CDC42BPG: variants seen among roughly 807,000 people sequenced by gnomAD.
The protein encoded by CDC42BPG is serine/threonine-protein kinase MRCK gamma.
Under a neutral mutation model 192.2 loss-of-function variants are expected in CDC42BPG, and 157 were observed. That is an observed-to-expected ratio of 0.82 (90% CI 0.72 to 0.93). The LOEUF is 0.93. Ranked by LOEUF, CDC42BPG falls within the 40% of genes least tolerant of loss-of-function variation. CDC42BPG has a pLI of 0.00. For missense variants in CDC42BPG, 1,992 were observed against 2,122.1 expected (o/e 0.94, Z 1.20); for synonymous variants, 981 against 918.5 (o/e 1.07, Z -1.23).
In CDC42BPG at chr11:64,840,132, C is replaced by T. The variant is rs1592722279; in HGVS notation, c.569G>A (p.Gly190Asp). Residue 190 changes from glycine to aspartate, a missense_variant, in exon 5 of 37, where the codon GGT (glycine) becomes GAT (aspartate). Coordinates refer to ENST00000342711, the MANE Select transcript of CDC42BPG (RefSeq NM_017525.3). Reference protein sequence around the residue: ...VLAIHSLHQLGYVHRDVKPDN... With the variant: ...VLAIHSLHQLDYVHRDVKPDN... ...GTTGGGGCCCCACCTGTGGACATAACCCAGCTGGTGCAGCGAGTGGATGGC... is the reference window on the plus strand; with the variant it reads ...GTTGGGGCCCCACCTGTGGACATAATCCAGCTGGTGCAGCGAGTGGATGGC... The T allele has an allele frequency of 6.2e-7, 1 of 1,612,372 alleles. No individual in the cohort carries two copies.
intron 20 of CDC42BPG, 79 bp downstream of exon 20, chr11:64,834,187 G>A: frequency 6.9e-7 from 1 of 1,448,440 alleles, no homozygotes; most frequent in Non-Finnish European, 9.3e-7. Context: ...CACCCTGCCA[G>A]GCCATCGTGG....
intron 36 of CDC42BPG, among the ~76,000 whole-genome samples, chr11:64,825,556 G>A (rs965568500): frequency 6.6e-6 from 1 of 152,168 alleles, no homozygotes; most frequent in Non-Finnish European, 1.5e-5. Context: ...GGACTGCAGG[G>A]GCAAGAGCCT....
At chr11:64,839,915 C>T (rs1470675131) in intron 5 of CDC42BPG, among the ~76,000 whole-genome samples, 1 of 152,198 alleles carries the variant, frequency 6.6e-6, no homozygotes, top group African/African-American at 2.4e-5. Flanking sequence ...TAAGCTCTGA[C>T]CCCCTCAGCT....
rs1009901115 is a variant in CDC42BPG, at chr11:64,835,246, C to T, written c.1954-93G>A. 8 of 1,606,370 alleles carry T rather than the reference C, an allele frequency of 5.0e-6. No individual in the cohort carries two copies. In the Admixed American group the frequency reaches 6.7e-5, roughly 13 times the overall value. Reference sequence around the variant, plus strand: ...GTACCCCAGCACCCCGAGCCCCGTCCATGTCCACCCTGCTCACTGGCTGCA... The same window carrying T: ...GTACCCCAGCACCCCGAGCCCCGTCTATGTCCACCCTGCTCACTGGCTGCA... On this transcript the variant is annotated intron_variant, in intron 16 of 36. Transcript: ENST00000342711.
At chr11:64,833,504 G>T in intron 23 of CDC42BPG, 96 bp downstream of exon 23, 1 of 1,240,284 alleles carries the variant, frequency 8.1e-7, no homozygotes, top group Non-Finnish European at 1.1e-6. Context: ...AATTGTGCCT[G>T]CTAGCCACGA....
At chr11:64,836,848 G>A (rs1943039124) in intron 10 of CDC42BPG, 29 bp from the exon 11 acceptor site, 1 of 1,610,206 alleles carries the variant, frequency 6.2e-7, no homozygotes, top group East Asian at 2.2e-5. Context: ...CCACAGGTGA[G>A]TCCACTCCTC....
In CDC42BPG at chr11:64,826,672, G is replaced by A. The variant is rs772687112; in HGVS notation, c.4512C>T (p.Pro1504=). 5.7e-6 allele frequency: 9 copies of A among 1,572,290 alleles called. No individual in the cohort carries two copies. In the African/African-American group the frequency reaches 6.7e-5, roughly 12 times the overall value. ...GSEGLGGDAD[P]MKRKPWTSLS... ...TGGAGGCTGAGGGGCTGCCCTTACTGGGGTCTGCGTCTCCACCGAGGCCTT... is the reference window on the plus strand; with the variant it reads ...TGGAGGCTGAGGGGCTGCCCTTACTAGGGTCTGCGTCTCCACCGAGGCCTT... Residue 1504 remains proline (P), a splice_region_variant and synonymous_variant, in exon 35 of 37, where the codon CCC becomes CCT. Coordinates refer to ENST00000342711, the MANE Select transcript of CDC42BPG (RefSeq NM_017525.3).
chr11:64,837,754 G>C (rs563873178), intron 9 of CDC42BPG, among the ~76,000 whole-genome samples: 2 of 152,178 alleles, frequency 1.3e-5, no homozygotes, highest in African/African-American at 4.8e-5. Flanking sequence ...AAGCCACCAC[G>C]CCTGGTCCAT....
rs903861555 is a variant in CDC42BPG at position 64,833,396 on chromosome 11, G to A, written c.2626-60C>T. On this transcript the variant is annotated intron_variant, in intron 23 of 36. Coordinates refer to ENST00000342711, the MANE Select transcript of CDC42BPG (RefSeq NM_017525.3). The stretch of plus-strand genomic sequence containing the variant: ...CAGGGCCCCATGCCCCATCCCTGAG[G>A]GGTCAGGAAAGACAAGGGGCTGAGC... 1.2e-5 allele frequency: 13 copies of A among 1,055,798 alleles called. No homozygotes were observed. The African/African-American group carries it at 1.7e-4, about 14-fold the overall frequency. 65.4% of individuals were successfully genotyped at this position (1,055,798 alleles called of 1,614,324 possible).
chr11:64,832,794 G>T, intron 25 of CDC42BPG, 32 bp downstream of exon 25: 1 of 1,592,018 alleles, frequency 6.3e-7, no homozygotes. Flanking sequence ...AGCCCCCCAT[G>T]CCCATCTTCC....
intron 11 of CDC42BPG, 34 bp downstream of exon 11, chr11:64,836,705 C>CCGGGA: frequency 5.7e-6 from 2 of 353,522 alleles, no homozygotes; most frequent in Non-Finnish European, 8.3e-6. Flanking sequence ...GGACTCAGCC[C>CCGGGA]TGGGGGGGGG....
rs753510878 is a variant in CDC42BPG, at chr11:64,839,521, A to C, written c.632T>G (p.Leu211Arg). Residue 211 changes from leucine to arginine, a missense_variant, in exon 6 of 37, where the codon CTG (leucine) becomes CGG (arginine). This residue lies in a region of CDC42BPG where 1,656 missense variants were observed against 1,844.3 expected (regional missense o/e 0.90). Transcript: ENST00000342711. Reference sequence around the variant, plus strand: ...ACGCAGGCAGGAGCCGAAGTCAGCCAGGCGAATGTGCCCGTTCACATCCAG... The same window carrying C: ...ACGCAGGCAGGAGCCGAAGTCAGCCCGGCGAATGTGCCCGTTCACATCCAG... ...VLLDVNGHIR[L>R]ADFGSCLRLN... 1 of 1,613,268 alleles carries C rather than the reference A, an allele frequency of 6.2e-7. No individual in the cohort carries two copies. Among genetic ancestry groups the C allele is most frequent in the Non-Finnish European group, 8.5e-7 (1 of 1,179,992 alleles).
At chr11:64,827,973 A>C (rs1942513522) in intron 30 of CDC42BPG, among the ~76,000 whole-genome samples, 190 bp from the exon 31 acceptor site, 1 of 152,200 alleles carries the variant, frequency 6.6e-6, no homozygotes, top group African/African-American at 2.4e-5. Context: ...TGCCTGGCTC[A>C]GTTCTAAACA....
chr11:64,840,295 C>T (rs1486807640), intron 4 of CDC42BPG, 27 bp from the exon 5 acceptor site: 1 of 1,603,482 alleles, frequency 6.2e-7, no homozygotes. Flanking sequence ...AGAATCAGAC[C>T]CGGGGGAAGG....
Position 64,838,216 on chromosome 11 carries a change from C to CG in CDC42BPG, c.1126-55_1126-54insC, listed in dbSNP as rs1943110737. 27 of 1,357,270 alleles carry CG rather than the reference C, an allele frequency of 2.0e-5. No individual in the cohort carries two copies. In the Admixed American group the frequency reaches 2.6e-4, roughly 13 times the overall value. 84.1% of individuals were successfully genotyped at this position (1,357,270 alleles called of 1,614,324 possible). ...AGTCCACAGGCCAAGGCCCGAGGCC[C>CG]AAGGCCCAGGAGCCCCCTGGGACCA... On this transcript the variant is annotated intron_variant, in intron 8 of 36. Coordinates refer to ENST00000342711, the MANE Select transcript of CDC42BPG (RefSeq NM_017525.3).
chr11:64,836,665 C>G, intron 11 of CDC42BPG, 74 bp downstream of exon 11: 2 of 1,090,960 alleles, frequency 1.8e-6, no homozygotes, highest in South Asian at 1.4e-5. Flanking sequence ...TACAGCTTGT[C>G]CAGGGCAGGG....
At position 64,833,340 on chromosome 11, in the gene CDC42BPG, G is replaced by A; in HGVS notation, c.2626-4C>T. 1 of 1,446,094 alleles carries A rather than the reference G, an allele frequency of 6.9e-7. No homozygotes were observed. Among genetic ancestry groups the A allele is most frequent in the Non-Finnish European group, 9.4e-7 (1 of 1,068,092 alleles). The allele number at this position is 1,446,094 out of a possible 1,614,324, so 89.6% of individuals were successfully genotyped here. A position where few individuals can be genotyped will look rare whatever the true frequency, so the allele number is the denominator to read the frequency against. ...GGCGCAGCGTGTGTGAGCCGGGCTG[G>A]GGAGGGGGACAGCCATTACCCAAGG... On this transcript the variant is annotated splice_polypyrimidine_tract_variant and splice_region_variant and intron_variant, in intron 23 of 36. Transcript: ENST00000342711.
At position 64,836,513 on chromosome 11, in the gene CDC42BPG, C is replaced by T. The variant is rs777137707; in HGVS notation, c.1402G>A (p.Ala468Thr). ...GGCCCATCCGTCTGGGACAATGAGG[C>T]CTTGTCCCTCAGCATCTCTGCCAGG... is the stretch of plus-strand genomic sequence containing the variant. ...DRLPEMLRDK[A>T]SLSQTDGPPA... Residue 468 changes from alanine to threonine, a missense_variant, in exon 12 of 37, where the codon GCC (alanine) becomes ACC (threonine). Transcript: ENST00000342711. 2.5e-6 allele frequency: 4 copies of T among 1,613,342 alleles called. No homozygotes were observed. The African/African-American group carries it at 4.0e-5, about 16-fold the overall frequency.
At position 64,827,141 on chromosome 11, in the gene CDC42BPG, C is replaced by T. The variant is rs368803975; in HGVS notation, c.4298G>A (p.Arg1433His). ...GGTAGGCGGCGAGATGAGCTTGGAG[C>T]GCACAAAAGGGTCCTTCAGCATCTC... is the stretch of plus-strand genomic sequence containing the variant. ...RREMLKDPFV[R>H]SKLISPPTNF... Residue 1433 changes from arginine (R) to histidine (H), a missense_variant, in exon 34 of 37, where the codon CGC becomes CAC. By Grantham distance (29) the Arg-to-His change is conservative. Around this residue, in one of 2 missense-constraint regions of CDC42BPG, gnomAD observed 336 missense variants for 277.9 expected, o/e 1.21. Transcript: ENST00000342711. 19 of 1,614,046 alleles carry T rather than the reference C, an allele frequency of 1.2e-5. 1 individual carries two copies. The Middle Eastern group carries it at 3.1e-3, about 266-fold the overall frequency.
Sources: allele counts gnomAD v4.1 joint callset (sites outside exome capture counted in the v4.1 genomes callset), GRCh38; gene constraint gnomAD v4.1.1; regional missense constraint gnomAD v4.1.1; transcripts MANE v1.5; gene names NCBI Gene and HGNC (gene_info 2026-07-23, HGNC 2026-07-21).